PRDM10: variants seen among roughly 807,000 people sequenced by gnomAD.
PRDM10 encodes the protein PR domain zinc finger protein 10.
In PRDM10, 65 loss-of-function variants were observed where a neutral mutation model predicts 133.1. That is an observed-to-expected ratio of 0.49 (90% CI 0.40 to 0.60). PRDM10 has a LOEUF of 0.60. Among genes scored for constraint, PRDM10 ranks in the 20% least tolerant of loss-of-function variants. PRDM10 has a pLI of 0.00. For synonymous variants in PRDM10, 582 were observed against 580.4 expected, an observed-to-expected ratio of 1.00 and a Z score of -0.04; for missense variants, 1,137 against 1,507.1, an observed-to-expected ratio of 0.75 and a Z score of 4.07.
intron 4 of PRDM10, among the ~76,000 whole-genome samples, chr11:129,950,807 A>T (rs1192610427): frequency 6.6e-6 from 1 of 152,234 alleles, no homozygotes; most frequent in African/African-American, 2.4e-5. Context: ...CAATTCAGTT[A>T]TTCTAGTAAA....
intron 3 of PRDM10, among the ~76,000 whole-genome samples, chr11:129,955,774 T>C (rs1222459767): frequency 6.6e-6 from 1 of 152,344 alleles, no homozygotes; most frequent in East Asian, 1.9e-4. Flanking sequence ...CCAAAGAGAT[T>C]GTATAAGCTA....
At chr11:129,960,340 T>C (rs1951772391) in intron 2 of PRDM10, among the ~76,000 whole-genome samples, 1 of 152,194 alleles carries the variant, frequency 6.6e-6, no homozygotes, top group Admixed American at 6.5e-5. Flanking sequence ...GAGATTTGCC[T>C]TCGCTAAGAA....
chr11:129,977,475 G>A (rs1937841678), intron 1 of PRDM10, among the ~76,000 whole-genome samples: 1 of 152,072 alleles, frequency 6.6e-6, no homozygotes. Context: ...GTAGAGACTG[G>A]GTTTCACCAT....
chr11:129,990,522 CA>C (rs59217112), intron 1 of PRDM10, among the ~76,000 whole-genome samples: 1,130 of 67,082 alleles, frequency 0.017, 5 homozygotes, highest in African/African-American at 0.048. Context: ...ACTTTGTCTC[CA>C]AAAAAAAAAA....
chr11:129,942,370 G>T, intron 7 of PRDM10, 56 bp downstream of exon 7: 5 of 1,525,348 alleles, frequency 3.3e-6, no homozygotes, highest in South Asian at 1.2e-5. Context: ...ATTGCAAAAA[G>T]CCCTAAACAA....
At chr11:129,904,813 T>C (rs1056002785) in intron 20 of PRDM10, among the ~76,000 whole-genome samples, 10 of 152,246 alleles carry the variant, frequency 6.6e-5, no homozygotes, top group Admixed American at 5.9e-4. Context: ...AGTATTTTTC[T>C]AAATTCACAT....
intron 4 of PRDM10, among the ~76,000 whole-genome samples, chr11:129,951,569 T>C (rs1951583136): frequency 6.6e-6 from 1 of 152,242 alleles, no homozygotes; most frequent in South Asian, 2.1e-4. Context: ...ACTTACGGTA[T>C]ACTTTCTCCT....
chr11:129,983,049 T>C (rs1353494447), intron 1 of PRDM10, among the ~76,000 whole-genome samples: 3 of 151,772 alleles, frequency 2.0e-5, no homozygotes, highest in Admixed American at 2.0e-4. Flanking sequence ...CGATCTCAGC[T>C]CACTGCAACC....
intron 1 of PRDM10, among the ~76,000 whole-genome samples, chr11:129,997,800 AAC>A (rs1939140913): frequency 6.6e-6 from 1 of 152,252 alleles, no homozygotes; most frequent in South Asian, 2.1e-4. Context: ...TTAATTCAGT[AAC>A]AGTTAACTCA....
At chr11:130,002,543 C>G (rs1939483375) in intron 1 of PRDM10, among the ~76,000 whole-genome samples, 179 bp downstream of exon 1, 1 of 151,950 alleles carries the variant, frequency 6.6e-6, no homozygotes, top group Admixed American at 6.5e-5. Context: ...CCCCCCACCA[C>G]CACCATCAAT....
chr11:129,916,094 A>G (rs1002082586), intron 15 of PRDM10, among the ~76,000 whole-genome samples: 1 of 152,212 alleles, frequency 6.6e-6, no homozygotes, highest in Non-Finnish European at 1.5e-5. Context: ...CTATAAATCT[A>G]AGATAATAAC....
intron 1 of PRDM10, among the ~76,000 whole-genome samples, chr11:129,997,453 G>A (rs4937477): frequency 0.2 from 30,363 of 151,958 alleles, 4,360 homozygotes; most frequent in East Asian, 0.49. Flanking sequence ...GCATTCCTGC[G>A]TAGGTGACAG....
At chr11:129,983,399 A>G (rs933594435) in intron 1 of PRDM10, among the ~76,000 whole-genome samples, 5 of 149,978 alleles carry the variant, frequency 3.3e-5, no homozygotes, top group Admixed American at 3.3e-4. Flanking sequence ...GGTTCATGCC[A>G]TTCTCCTGCC....
At chr11:129,994,941 C>G (rs978250918) in intron 1 of PRDM10, among the ~76,000 whole-genome samples, 1 of 152,210 alleles carries the variant, frequency 6.6e-6, no homozygotes, top group Non-Finnish European at 1.5e-5. Context: ...GCGTGAGCCA[C>G]TGCGCCTGGC....
At chr11:129,974,109 C>A (rs1176550966) in intron 1 of PRDM10, among the ~76,000 whole-genome samples, 1 of 152,208 alleles carries the variant, frequency 6.6e-6, no homozygotes, top group Non-Finnish European at 1.5e-5. Flanking sequence ...AACTCTATCA[C>A]CTGTAATATG....
At chr11:129,925,276 T>A in intron 11 of PRDM10, 47 bp from the exon 12 acceptor site, 1 of 1,501,422 alleles carries the variant, frequency 6.7e-7, no homozygotes, top group Non-Finnish European at 9.0e-7. Context: ...AAATTAAGAG[T>A]GCAACTGGAT....
At chr11:129,963,394 GAGAAGAGAAGAGAAGAGAAGAGAAGAGA>G (rs1951838145) in intron 1 of PRDM10, among the ~76,000 whole-genome samples, 58 of 143,082 alleles carry the variant, frequency 4.1e-4, no homozygotes, top group African/African-American at 1.3e-3. Flanking sequence ...GAGAAGAGAA[GAGAAGAGAAGAGAAGAGAAGAGAAGAGA>G]AGAGAAGAGA....
At chr11:129,989,806 A>G (rs1938631472) in intron 1 of PRDM10, among the ~76,000 whole-genome samples, 1 of 152,188 alleles carries the variant, frequency 6.6e-6, no homozygotes, top group Non-Finnish European at 1.5e-5. Flanking sequence ...TAACACTACA[A>G]TATGTAATAT....
chr11:129,932,477 A>T (rs142385734), intron 9 of PRDM10, among the ~76,000 whole-genome samples: 16 of 152,372 alleles, frequency 1.1e-4, no homozygotes, highest in African/African-American at 3.4e-4. Flanking sequence ...AAAAATTCAA[A>T]GCACTGACAA....
Sources: gnomAD v4.1 joint callset for allele counts (sites outside exome capture counted in the v4.1 genomes callset) on GRCh38, gnomAD v4.1.1 for gene constraint, MANE v1.5 for transcripts, NCBI Gene and HGNC (gene_info 2026-07-23, HGNC 2026-07-21) for gene names.